DEPTOR: variants seen among roughly 807,000 people sequenced by gnomAD.
DEPTOR encodes DEP domain containing MTOR interacting protein, also known as DEP domain-containing mTOR-interacting protein.
DEPTOR carries 41 observed loss-of-function variants against 41.6 expected under a neutral mutation model. The observed-to-expected ratio is 0.98, with a 90% confidence interval of 0.77 to 1.28. DEPTOR has a LOEUF of 1.28. Ranked by LOEUF, DEPTOR falls within the 50% of genes most tolerant of loss-of-function variation. DEPTOR has a pLI of 0.00. For synonymous variants in DEPTOR, 195 were observed against 192.3 expected, an observed-to-expected ratio of 1.01 and a Z score of -0.12; for missense variants, 514 against 527.9, an observed-to-expected ratio of 0.97 and a Z score of 0.26.
intron 1 of DEPTOR, among the ~76,000 whole-genome samples, chr8:119,883,399 C>T (rs1270313249): frequency 6.8e-6 from 1 of 147,568 alleles, no homozygotes; most frequent in African/African-American, 2.5e-5. Flanking sequence ...GGCGTGAACC[C>T]GGGAGGTGGA....
At position 119,918,791 on chromosome 8, in the gene DEPTOR, T is replaced by C. The variant is rs188244959; in HGVS notation, c.123-9609T>C. On this transcript the variant is annotated intron_variant, in intron 1 of 8. Transcript: ENST00000286234. ...GTATTTTTAGTAGTGACAAGGTTTC[T>C]CCATGTTGGTCAGGCTGGTCTCGAA... Among the ~76,000 whole-genome samples the C allele has an allele frequency of 4.4e-3, 666 of 152,102 alleles. 5 individuals carry two copies. Among genetic ancestry groups the C allele is most frequent in the African/African-American group, 0.015 (631 of 41,506 alleles).
chr8:120,014,028 G>C (rs1422847712), intron 8 of DEPTOR, among the ~76,000 whole-genome samples: 1 of 151,884 alleles, frequency 6.6e-6, no homozygotes, highest in Non-Finnish European at 1.5e-5. Flanking sequence ...TAGTAGAAAC[G>C]GGGTTTCACC....
chr8:119,943,178 T>G (rs1182151306), intron 3 of DEPTOR, among the ~76,000 whole-genome samples: 1 of 152,148 alleles, frequency 6.6e-6, no homozygotes, highest in Non-Finnish European at 1.5e-5. Context: ...TAGTAGGAAG[T>G]AGGTGGAAGG....
At chr8:119,887,064 CTA>C (rs1827373253) in intron 1 of DEPTOR, among the ~76,000 whole-genome samples, 1 of 149,018 alleles carries the variant, frequency 6.7e-6, no homozygotes, top group Admixed American at 6.8e-5. Flanking sequence ...ATATTAAAGA[CTA>C]TGGAGAAATG....
At chr8:120,009,762 C>G (rs1021820618) in intron 8 of DEPTOR, among the ~76,000 whole-genome samples, 1 of 152,082 alleles carries the variant, frequency 6.6e-6, no homozygotes, top group Non-Finnish European at 1.5e-5. Flanking sequence ...TTCCTTTTCC[C>G]TTTCTGAATG....
intron 1 of DEPTOR, among the ~76,000 whole-genome samples, chr8:119,924,634 G>A (rs9987140): frequency 0.28 from 42,603 of 151,642 alleles, 6,352 homozygotes; most frequent in Middle Eastern, 0.39. Flanking sequence ...GTATTTTAAG[G>A]CTAATCTACC....
chr8:120,048,711 G>T (rs1334938581), intron 8 of DEPTOR, among the ~76,000 whole-genome samples: 1 of 152,066 alleles, frequency 6.6e-6, no homozygotes, highest in African/African-American at 2.4e-5. Context: ...AAAGGAAAGA[G>T]ATTAATAGTA....
chr8:119,903,189 C>T (rs1827617765), intron 1 of DEPTOR, among the ~76,000 whole-genome samples: 1 of 152,134 alleles, frequency 6.6e-6, no homozygotes, highest in Non-Finnish European at 1.5e-5. Flanking sequence ...ACCTCGGCCT[C>T]CTGGGTTCAA....
rs1812493799 is a variant in DEPTOR, at chr8:120,009,175, G to A, written c.1101+42G>A. The A allele has an allele frequency of 2.6e-6, 4 of 1,553,498 alleles. No homozygotes were observed. The East Asian group carries it at 6.8e-5, about 26-fold the overall frequency. On this transcript the variant is annotated intron_variant, in intron 8 of 8. Transcript: ENST00000286234. ...CTCACCCTCTTTTATATCTGTCTTGGGTTCTTCATGCTAAATTGGCCATGA... is the reference window on the plus strand; with the variant it reads ...CTCACCCTCTTTTATATCTGTCTTGAGTTCTTCATGCTAAATTGGCCATGA...
chr8:119,923,022 G>GGAA (rs10633919), intron 1 of DEPTOR, among the ~76,000 whole-genome samples: 42,670 of 151,838 alleles, frequency 0.28, 6,392 homozygotes, highest in Middle Eastern at 0.39. Flanking sequence ...GTTGTCAAAA[G>GGAA]GAAGAACTGA....
intron 8 of DEPTOR, among the ~76,000 whole-genome samples, chr8:120,035,734 G>T (rs757264411): frequency 6.6e-6 from 1 of 152,140 alleles, no homozygotes; most frequent in Non-Finnish European, 1.5e-5. Flanking sequence ...GTTTCGCCAC[G>T]TTGGCCAGGC....
At chr8:120,037,873 T>C (rs186817457) in intron 8 of DEPTOR, among the ~76,000 whole-genome samples, 16 of 152,280 alleles carry the variant, frequency 1.1e-4, no homozygotes, top group Admixed American at 1.0e-3. Flanking sequence ...TCTATAAAGA[T>C]GATGGCAATG....
chr8:119,979,969 G>A (rs181267373), intron 4 of DEPTOR, among the ~76,000 whole-genome samples: 1 of 152,062 alleles, frequency 6.6e-6, no homozygotes, highest in Non-Finnish European at 1.5e-5. Context: ...GCTTGTTCAG[G>A]ACAAGGATCA....
At chr8:119,967,319 ATCCATCTGCCTC>A (rs1828574666) in intron 4 of DEPTOR, among the ~76,000 whole-genome samples, 1 of 150,630 alleles carries the variant, frequency 6.6e-6, no homozygotes, top group Non-Finnish European at 1.5e-5. Context: ...ACCTCAGGTG[ATCCATCTGCCTC>A]AGCCTTCCAA....
intron 4 of DEPTOR, among the ~76,000 whole-genome samples, chr8:119,991,353 T>C (rs1054959277): frequency 4.6e-5 from 7 of 152,168 alleles, no homozygotes; most frequent in South Asian, 2.1e-4. Context: ...TCTCGCTCTG[T>C]TTCCCAGGCT....
rs150264096 is a variant in DEPTOR, at chr8:120,030,951, G to A, written c.1102-18625G>A. On this transcript the variant is annotated intron_variant, in intron 8 of 8. Transcript: ENST00000286234. ...TGATAATGGGGGATACCGTGCCTAT[G>A]TGGGGCAGGAGGCGTATGGAAAGTC... 4.8e-4 allele frequency among the ~76,000 whole-genome samples: 73 copies of A among 152,106 alleles called. 1 individual carries two copies. The East Asian group carries it at 0.011, about 23-fold the overall frequency.
intron 4 of DEPTOR, among the ~76,000 whole-genome samples, chr8:119,967,651 GGCT>G (rs1331843740): frequency 6.6e-6 from 1 of 151,302 alleles, no homozygotes; most frequent in Non-Finnish European, 1.5e-5. Context: ...CTACTCAGGA[GGCT>G]GAGGCAAGAG....
intron 1 of DEPTOR, among the ~76,000 whole-genome samples, chr8:119,903,343 C>T (rs1254873258): frequency 6.6e-6 from 1 of 152,140 alleles, no homozygotes; most frequent in Non-Finnish European, 1.5e-5. Context: ...GGTGATCCAC[C>T]CACCTTGGTC....
intron 8 of DEPTOR, among the ~76,000 whole-genome samples, chr8:120,034,427 CTTTTTTTTCCTTTTTCTTTT>C (rs1690564498): frequency 1.5e-5 from 2 of 137,602 alleles, no homozygotes; most frequent in African/African-American, 5.5e-5. Flanking sequence ...CTTTTTTTTT[CTTTTTTTTCCTTTTTCTTTT>C]TTTTTTTTTT....
Sources: gnomAD v4.1 joint callset for allele counts (sites outside exome capture counted in the v4.1 genomes callset) on GRCh38, gnomAD v4.1.1 for gene constraint, MANE v1.5 for transcripts, NCBI Gene and HGNC (gene_info 2026-07-23, HGNC 2026-07-21) for gene names.